ACOX2: variants seen among roughly 807,000 people sequenced by gnomAD.
The protein encoded by ACOX2 is peroxisomal acyl-coenzyme A oxidase 2.
A neutral mutation model predicts 77.5 loss-of-function variants in ACOX2; 59 were observed. That is an observed-to-expected ratio of 0.76 (90% confidence interval 0.62 to 0.95). ACOX2 has a LOEUF of 0.95. Among genes scored for constraint, ACOX2 ranks in the 40% least tolerant of loss-of-function variants. The pLI is 0.00. For synonymous variants in ACOX2, 317 were observed against 340.1 expected (o/e 0.93, Z 0.75); for missense variants, 837 against 880.4 (o/e 0.95, Z 0.62).
At chr3:58,509,115 A>G (rs1297929467) in intron 13 of ACOX2, 90 bp from the exon 14 acceptor site, 2 of 1,435,598 alleles carry the variant, frequency 1.4e-6, no homozygotes, top group African/African-American at 1.4e-5. Context: ...ACCTAATTAG[A>G]GGTTGCATGA....
At position 58,528,704 on chromosome 3, in the gene ACOX2, G is replaced by A; in HGVS notation, c.1155+90C>T. ...AGAGGTGGGGGTGGGGAGTGCCCAT[G>A]GGGATGGGGCTGTGGCTGCTCCCCA... On this transcript the variant is annotated intron_variant, in intron 9 of 14. Transcript: ENST00000302819. This position sits in a 1 kb window ranked among gnomAD's most constrained non-coding sequence, Gnocchi z 5.6. The A allele has an allele frequency of 7.0e-7, 1 of 1,427,292 alleles. No individual in the cohort carries two copies. Among genetic ancestry groups the A allele is most frequent in the Non-Finnish European group, 9.2e-7 (1 of 1,082,440 alleles). The allele number at this position is 1,427,292 out of a possible 1,614,324, so 88.4% of individuals were successfully genotyped here.
At position 58,531,876 on chromosome 3, in the gene ACOX2, C is replaced by T. The variant is rs866561812; in HGVS notation, c.584-64G>A. 3 of 1,535,140 alleles carry T rather than the reference C, an allele frequency of 2.0e-6. No homozygotes were observed. Among genetic ancestry groups the T allele is most frequent in the Admixed American group, 4.0e-5 (2 of 50,194 alleles). On this transcript the variant is annotated intron_variant, in intron 5 of 14. Coordinates refer to ENST00000302819, the MANE Select transcript of ACOX2 (RefSeq NM_003500.4). This position sits in a 1 kb window ranked among gnomAD's most constrained non-coding sequence, Gnocchi z 5.8. ...CTGTGCATTGCTTTTCCCAACCAAC[C>T]CAGCCTCCTGGGGCTGGGGTTTTGG...
At chr3:58,532,486 A>G (rs1390767986) in intron 5 of ACOX2, among the ~76,000 whole-genome samples, 2 of 151,998 alleles carry the variant, frequency 1.3e-5, no homozygotes, top group East Asian at 3.9e-4. Context: ...CCCAGGTTCA[A>G]GCAATTCTCC....
rs1179934047 is a variant in ACOX2, at chr3:58,530,582, G to A, written c.876C>T (p.Pro292=). Residue 292 remains proline, a synonymous_variant, in exon 8 of 15, where the codon CCC becomes CCT. Transcript: ENST00000302819. ...KLGTAQSNYL[P]MVVVRVELLS... ...GCAGCTCCACCCGCACCACCACCAT[G>A]GGAAGGTAGTTGCTCTGTGCTGTAC... 6.2e-7 allele frequency: 1 copy of A among 1,614,140 alleles called. No individual in the cohort carries two copies. Among genetic ancestry groups the A allele is most frequent in the Non-Finnish European group, 8.5e-7 (1 of 1,180,052 alleles).
Position 58,533,428 on chromosome 3 carries a change from G to A in ACOX2, c.583+17C>T, listed in dbSNP as rs761279661. The A allele has an allele frequency of 2.5e-6, 4 of 1,606,606 alleles. No individual in the cohort carries two copies. Among genetic ancestry groups the A allele is most frequent in the South Asian group, 2.2e-5 (2 of 90,878 alleles). On this transcript the variant is annotated intron_variant, in intron 5 of 14. Coordinates refer to ENST00000302819, the MANE Select transcript of ACOX2 (RefSeq NM_003500.4). The surrounding 1 kb of genome is among the most constrained non-coding windows in gnomAD (Gnocchi z 5.6). ...TACTTGGGGAGAGTTAAGGAAGGGG[G>A]GTGGATGTATACTCACAGTCTCCAG...
At position 58,522,431 on chromosome 3, in the gene ACOX2, C is replaced by T; in HGVS notation, c.1632+65G>A. 6.6e-7 allele frequency: 1 copy of T among 1,522,208 alleles called. No individual in the cohort carries two copies. The highest frequency in any genetic ancestry group is 9.1e-7 in the Non-Finnish European group (1 of 1,101,318). The allele number at this position is 1,522,208 out of a possible 1,614,324, so 94.3% of individuals were successfully genotyped here. On this transcript the variant is annotated intron_variant, in intron 12 of 14. Transcript: ENST00000302819. The surrounding 1 kb of genome is among the most constrained non-coding windows in gnomAD (Gnocchi z 4.3). Reference sequence around the variant, plus strand: ...GAATAATGGCAGAGCCCGGATTTTCCCAGCAGGGTAGCCTGCCTGGGAAGC... The same window carrying T: ...GAATAATGGCAGAGCCCGGATTTTCTCAGCAGGGTAGCCTGCCTGGGAAGC...
At chr3:58,511,266 G>A (rs908157979) in intron 13 of ACOX2, 1 of 331,042 alleles carries the variant, frequency 3.0e-6, no homozygotes, top group Non-Finnish European at 5.9e-6. Context: ...TAGTGGAAAT[G>A]CCCTTCTTTC....
chr3:58,528,233 G>GA lies in ACOX2; in HGVS notation c.1155+560_1155+561insT, dbSNP rs2063411443. 3.3e-5 allele frequency among the ~76,000 whole-genome samples: 5 copies of GA among 152,160 alleles called. No individual in the cohort carries two copies. Among genetic ancestry groups the GA allele is most frequent in the Admixed American group, 3.3e-4 (5 of 15,282 alleles). On this transcript the variant is annotated intron_variant, in intron 9 of 14. Coordinates refer to ENST00000302819, the MANE Select transcript of ACOX2 (RefSeq NM_003500.4). This position sits in a 1 kb window ranked among gnomAD's most constrained non-coding sequence, Gnocchi z 5.6. ...CAGTGCTTATAAAGCATGGTAGCCT[G>GA]GACAGACTGAATTTTACTATATATG...
intron 12 of ACOX2, among the ~76,000 whole-genome samples, chr3:58,520,327 T>C (rs1048450044): frequency 6.6e-6 from 1 of 152,234 alleles, no homozygotes. Context: ...TTCCTAACCC[T>C]GTGTGGCCAA....
In ACOX2 at chr3:58,526,353, G is replaced by T; in HGVS notation, c.1346+113C>A. ...TGGGGAATTGGACAGCTCCCAAATA[G>T]CACTTCGCAAAGCCTGCTCTTTTTA... On this transcript the variant is annotated intron_variant, in intron 10 of 14. Transcript: ENST00000302819. The surrounding 1 kb of genome is among the most constrained non-coding windows in gnomAD (Gnocchi z 4.3). 8.0e-7 allele frequency: 1 copy of T among 1,244,272 alleles called. No homozygotes were observed. The highest frequency in any genetic ancestry group is 1.1e-6 in the Non-Finnish European group (1 of 910,578). The allele number at this position is 1,244,272 out of a possible 1,614,324, so 77.1% of individuals were successfully genotyped here. A position where few individuals can be genotyped will look rare whatever the true frequency, so the allele number is the denominator to read the frequency against.
intron 14 of ACOX2, among the ~76,000 whole-genome samples, chr3:58,508,536 A>T (rs1007484957): frequency 6.6e-6 from 1 of 152,184 alleles, no homozygotes; most frequent in Non-Finnish European, 1.5e-5. Context: ...AGGTGGTTCA[A>T]TTACCGCAGT....
Position 58,519,020 on chromosome 3 carries a change from G to C in ACOX2, c.1633-1597C>G, listed in dbSNP as rs1316672930. 6.6e-6 allele frequency among the ~76,000 whole-genome samples: 1 copy of C among 152,172 alleles called. No individual in the cohort carries two copies. The highest frequency in any genetic ancestry group is 2.4e-5 in the African/African-American group (1 of 41,436). On this transcript the variant is annotated intron_variant, in intron 12 of 14. Transcript: ENST00000302819. The surrounding 1 kb of genome is among the most constrained non-coding windows in gnomAD (Gnocchi z 5.0). Reference sequence around the variant, plus strand: ...AGATTCCAGGGCAGGGCCTGAGACTGTGCATTTCTAACAAGGTCCCCTGTG... The same window carrying C: ...AGATTCCAGGGCAGGGCCTGAGACTCTGCATTTCTAACAAGGTCCCCTGTG...
At position 58,505,168 on chromosome 3, in the gene ACOX2, C is replaced by T; in HGVS notation, c.*56G>A. 1 of 1,412,586 alleles carries T rather than the reference C, an allele frequency of 7.1e-7. No homozygotes were observed. Among genetic ancestry groups the T allele is most frequent in the Non-Finnish European group, 9.9e-7 (1 of 1,009,294 alleles). 87.5% of individuals were successfully genotyped at this position (1,412,586 alleles called of 1,614,324 possible). The stretch of plus-strand genomic sequence containing the variant: ...TAAAATTTTAATGTTGCATATATGC[C>T]ATAGTACCATTATCACATGATGGTG... On this transcript the variant is annotated 3_prime_UTR_variant, in exon 15 of 15. Transcript: ENST00000302819. This position sits in a 1 kb window ranked among gnomAD's most constrained non-coding sequence, Gnocchi z 4.4.
At position 58,527,866 on chromosome 3, in the gene ACOX2, A is replaced by ATTT. The variant is rs34861027; in HGVS notation, c.1155+925_1155+927dup. Among the ~76,000 whole-genome samples, 54 of 132,002 alleles carry ATTT rather than the reference A, an allele frequency of 4.1e-4. 1 individual carries two copies. The highest frequency in any genetic ancestry group is 1.4e-3 in the African/African-American group (52 of 36,632). The allele number at this position is 132,002 out of a possible 152,430, so 86.6% of individuals were successfully genotyped here. ...TGCTACCACACCTGACTAATTTTTC[A>ATTT]TTTTTTTTTTTTTTTGTGGAGACGG... is the stretch of plus-strand genomic sequence containing the variant. On this transcript the variant is annotated intron_variant, in intron 9 of 14. Transcript: ENST00000302819.
chr3:58,534,698 T>C lies in ACOX2; in HGVS notation c.161-176A>G. Reference sequence around the variant, plus strand: ...AGTGAATTGCCCAAGGTTACAAAGCTATGCAGTGGCAGAATTTTAGGACCA... The same window carrying C: ...AGTGAATTGCCCAAGGTTACAAAGCCATGCAGTGGCAGAATTTTAGGACCA... On this transcript the variant is annotated intron_variant, in intron 2 of 14. Transcript: ENST00000302819. This position sits in a 1 kb window ranked among gnomAD's most constrained non-coding sequence, Gnocchi z 4.8. 1.4e-6 allele frequency: 2 copies of C among 1,465,816 alleles called. No individual in the cohort carries two copies. Among genetic ancestry groups the C allele is most frequent in the Non-Finnish European group, 9.3e-7 (1 of 1,079,562 alleles). 90.8% of individuals were successfully genotyped at this position (1,465,816 alleles called of 1,614,324 possible). A position where few individuals can be genotyped will look rare whatever the true frequency, so the allele number is the denominator to read the frequency against.
chr3:58,527,624 C>T (rs2063405958), intron 9 of ACOX2, among the ~76,000 whole-genome samples: 1 of 152,024 alleles, frequency 6.6e-6, no homozygotes, highest in African/African-American at 2.4e-5. Flanking sequence ...TCACCTGACA[C>T]CAAATGCACT....
At chr3:58,530,333 T>G in intron 8 of ACOX2, 133 bp downstream of exon 8, 1 of 1,285,956 alleles carries the variant, frequency 7.8e-7, no homozygotes, top group Non-Finnish European at 1.1e-6. Context: ...TTTGTGTTTG[T>G]GTGTGTGTAT....
rs759316006 is a variant in ACOX2 at position 58,521,725 on chromosome 3, G to A, written c.1632+771C>T. Reference sequence around the variant, plus strand: ...CCCAACTTTTCACAGTGGTGCAAAAGGTCAGAGGCCTTGCCTGTCTCTCCT... The same window carrying A: ...CCCAACTTTTCACAGTGGTGCAAAAAGTCAGAGGCCTTGCCTGTCTCTCCT... On this transcript the variant is annotated intron_variant, in intron 12 of 14. Transcript: ENST00000302819. The surrounding 1 kb of genome is among the most constrained non-coding windows in gnomAD (Gnocchi z 4.8). Among the ~76,000 whole-genome samples, 7 of 152,312 alleles carry A rather than the reference G, an allele frequency of 4.6e-5. No homozygotes were observed. Among genetic ancestry groups the A allele is most frequent in the Non-Finnish European group, 1.0e-4 (7 of 68,026 alleles).
chr3:58,521,978 C>T lies in ACOX2; in HGVS notation c.1632+518G>A, dbSNP rs1009516899. Among the ~76,000 whole-genome samples the T allele has an allele frequency of 6.6e-6, 1 of 152,204 alleles. No individual in the cohort carries two copies. The highest frequency in any genetic ancestry group is 1.5e-5 in the Non-Finnish European group (1 of 68,042). On this transcript the variant is annotated intron_variant, in intron 12 of 14. Transcript: ENST00000302819. The surrounding 1 kb of genome is among the most constrained non-coding windows in gnomAD (Gnocchi z 4.8). ...TTTTGGGAAGCCTTTCTGACTCCTC[C>T]AGGTGGGCAGAAGTGTACCTGCTCT...
Sources: allele counts gnomAD v4.1 joint callset (sites outside exome capture counted in the v4.1 genomes callset), GRCh38; gene constraint gnomAD v4.1.1; non-coding constraint Gnocchi (gnomAD v3.1); transcripts MANE v1.5; gene names NCBI Gene and HGNC (gene_info 2026-07-23, HGNC 2026-07-21).